HERC5: variants seen among roughly 807,000 people sequenced by gnomAD.
The protein encoded by HERC5 is HECT and RLD domain containing E3 ubiquitin protein ligase 5, also known as E3 ISG15--protein ligase HERC5.
A neutral mutation model predicts 119.6 loss-of-function variants in HERC5; 99 were observed. The observed-to-expected ratio is 0.83, with a 90% CI of 0.70 to 0.98. The LOEUF is 0.98. Among genes scored for constraint, HERC5 ranks in the 50% least tolerant of loss-of-function variants. The pLI, the probability that HERC5 is intolerant of heterozygous loss-of-function variation, is 0.00. For synonymous variants in HERC5, 478 were observed against 445.9 expected, an observed-to-expected ratio of 1.07 and a Z score of -0.91; for missense variants, 1,267 against 1,241.3, an observed-to-expected ratio of 1.02 and a Z score of -0.31.
At position 88,463,630 on chromosome 4, in the gene HERC5, G is replaced by A. The variant is rs1335023249; in HGVS notation, c.780+7G>A. ...CAGTGCCCTACTCACACAGGTGGGTGTACCCTTGTCTCTTTTTGGCTGTAT... is the reference window on the plus strand; with the variant it reads ...CAGTGCCCTACTCACACAGGTGGGTATACCCTTGTCTCTTTTTGGCTGTAT... On this transcript the variant is annotated splice_region_variant and intron_variant, in intron 5 of 22. Transcript: ENST00000264350. The A allele has an allele frequency of 2.5e-6, 4 of 1,606,396 alleles. No individual in the cohort carries two copies. Among genetic ancestry groups the A allele is most frequent in the Admixed American group, 3.4e-5 (2 of 59,052 alleles).
chr4:88,463,324 G>A (rs1359441810), intron 4 of HERC5, among the ~76,000 whole-genome samples: 2 of 152,220 alleles, frequency 1.3e-5, no homozygotes, highest in African/African-American at 4.8e-5. Context: ...TCACAGGTGG[G>A]TGCCCCTAAG....
chr4:88,462,636 C>T (rs1740488070), intron 4 of HERC5, among the ~76,000 whole-genome samples: 2 of 152,228 alleles, frequency 1.3e-5, no homozygotes, highest in African/African-American at 4.8e-5. Context: ...AGTTTACTAA[C>T]TGCAAGCCTT....
In HERC5 at chr4:88,475,825, TC is replaced by T. The variant is rs1385599859; in HGVS notation, c.1393-14del. 4.3e-6 allele frequency: 7 copies of T among 1,612,086 alleles called. No homozygotes were observed. The highest frequency in any genetic ancestry group is 1.3e-5 in the African/African-American group (1 of 74,786). On this transcript the variant is annotated splice_polypyrimidine_tract_variant and intron_variant, in intron 11 of 22. Coordinates refer to ENST00000264350, the MANE Select transcript of HERC5 (RefSeq NM_016323.4). ...TGAGTTTTGAATCCCTTTTCCCTGT[TC>T]CTTTCTGACCACAGATAACCACCTG...
chr4:88,469,161 CAT>C lies in HERC5; in HGVS notation c.1142_1143del (p.Tyr381CysfsTer2). On this transcript the variant is annotated frameshift_variant, in exon 9 of 23. Transcript: ENST00000264350. LOFTEE classifies it high-confidence loss of function. ...TACTTTCCTGTTTGTTTACAGAATT[CAT>C]ATGTTAATCTGAAGAGGACAATTCC... 1 of 1,599,414 alleles carries C rather than the reference CAT, an allele frequency of 6.3e-7. No individual in the cohort carries two copies. The highest frequency in any genetic ancestry group is 8.6e-7 in the Non-Finnish European group (1 of 1,168,232).
At chr4:88,469,506 A>G (rs1045419802) in intron 9 of HERC5, among the ~76,000 whole-genome samples, 6 of 152,194 alleles carry the variant, frequency 3.9e-5, no homozygotes, top group Non-Finnish European at 7.3e-5. Flanking sequence ...GGGGCTGGCA[A>G]GTCCAAAATC....
chr4:88,459,297 G>C, intron 1 of HERC5, 50 bp from the exon 2 acceptor site: 2 of 1,452,210 alleles, frequency 1.4e-6, no homozygotes, highest in Non-Finnish European at 9.1e-7. Flanking sequence ...TAGTAATACA[G>C]TGGGTAATAA....
chr4:88,460,213 C>G, intron 3 of HERC5, 42 bp downstream of exon 3: 1 of 1,007,064 alleles, frequency 9.9e-7, no homozygotes, highest in Non-Finnish European at 1.6e-6. Flanking sequence ...GAAGTAATAC[C>G]TGTGTGTATA....
chr4:88,463,728 A>C, intron 5 of HERC5, 105 bp downstream of exon 5: 1 of 1,369,026 alleles, frequency 7.3e-7, no homozygotes, highest in Non-Finnish European at 1.0e-6. Context: ...TGTATGTAGG[A>C]CTGTCCTTCT....
At chr4:88,473,536 A>G (rs1045612964) in intron 11 of HERC5, 1 of 152,224 alleles carries the variant, frequency 6.6e-6, no homozygotes, top group African/African-American at 2.4e-5. Flanking sequence ...TGGCAGAACC[A>G]CAGCCCCACT....
intron 12 of HERC5, among the ~76,000 whole-genome samples, chr4:88,477,147 T>C (rs1436712575): frequency 7.4e-6 from 1 of 135,648 alleles, no homozygotes; most frequent in Non-Finnish European, 1.5e-5. Context: ...TCATCTCTAC[T>C]AAAAATATAA....
rs539657811 is a variant in HERC5, at chr4:88,486,053, C to T, written c.1738-62C>T. ...TAATTTAATCTGATAATCTAATTAA[C>T]AGCTATTAAGCAAAATTGTCTTTAA... On this transcript the variant is annotated intron_variant, in intron 13 of 22. Transcript: ENST00000264350. 434 of 886,748 alleles carry T rather than the reference C, an allele frequency of 4.9e-4. 1 individual carries two copies. In the African/African-American group the frequency reaches 6.6e-3, roughly 14 times the overall value. The allele number at this position is 886,748 out of a possible 1,614,324, so 54.9% of individuals were successfully genotyped here. A position where few individuals can be genotyped will look rare whatever the true frequency, so the allele number is the denominator to read the frequency against.
chr4:88,484,697 C>T (rs904000371), intron 13 of HERC5, among the ~76,000 whole-genome samples: 7 of 152,150 alleles, frequency 4.6e-5, no homozygotes, highest in African/African-American at 1.4e-4. Flanking sequence ...TAACCCTTTT[C>T]GGTCTCAGAC....
chr4:88,457,775 C>T (rs910447576), intron 1 of HERC5: 4 of 654,336 alleles, frequency 6.1e-6, no homozygotes, highest in Non-Finnish European at 8.6e-6. Flanking sequence ...GCAAAGTGGC[C>T]GGTGCGGGGC....
At chr4:88,481,306 G>A (rs1741270158) in intron 13 of HERC5, among the ~76,000 whole-genome samples, 1 of 152,146 alleles carries the variant, frequency 6.6e-6, no homozygotes, top group Admixed American at 6.5e-5. Context: ...ACCCACCTCA[G>A]TCTCCCAAAG....
At chr4:88,489,937 AAGCAGAGGTTGCAATG>A (rs1216370278) in intron 16 of HERC5, among the ~76,000 whole-genome samples, 22 of 152,124 alleles carry the variant, frequency 1.4e-4, no homozygotes, top group African/African-American at 5.3e-4. Context: ...TGAACCCAGG[AAGCAGAGGTTGCAATG>A]AGCCGAGATC....
chr4:88,457,871 G>T (rs554005896), intron 1 of HERC5: 1 of 1,053,054 alleles, frequency 9.5e-7, no homozygotes, highest in African/African-American at 1.7e-5. Context: ...CCCGCCCGCC[G>T]CATCTCCCAC....
At position 88,457,359 on chromosome 4, in the gene HERC5, C is replaced by T; in HGVS notation, c.90C>T (p.Gly30=). The T allele has an allele frequency of 2.1e-6, 3 of 1,429,314 alleles. No individual in the cohort carries two copies. Among genetic ancestry groups the T allele is most frequent in the East Asian group, 3.0e-5 (1 of 33,050 alleles). 88.5% of individuals were successfully genotyped at this position (1,429,314 alleles called of 1,614,324 possible). A position where few individuals can be genotyped will look rare whatever the true frequency, so the allele number is the denominator to read the frequency against. The change falls in exon 1 of 23, where the codon GGC becomes GGT. Residue 30 remains glycine (G), a synonymous_variant. Coordinates refer to ENST00000264350, the MANE Select transcript of HERC5 (RefSeq NM_016323.4). Reference sequence around the variant, plus strand: ...CGACCCAGCCCGCGAAGTCTCCGGGCGCACAGCTCTGGCTCTTTCCCAGCG... The same window carrying T: ...CGACCCAGCCCGCGAAGTCTCCGGGTGCACAGCTCTGGCTCTTTCCCAGCG... ...AAATQPAKSP[G]AQLWLFPSAA...
In HERC5 at chr4:88,476,919, CA is replaced by C. The variant is rs112140140; in HGVS notation, c.1582+899del. Among the ~76,000 whole-genome samples, 39 of 138,674 alleles carry C rather than the reference CA, an allele frequency of 2.8e-4. 1 individual carries two copies. In the East Asian group the frequency reaches 5.7e-3, roughly 20 times the overall value. 91.0% of individuals were successfully genotyped at this position (138,674 alleles called of 152,430 possible). A position where few individuals can be genotyped will look rare whatever the true frequency, so the allele number is the denominator to read the frequency against. Reference sequence around the variant, plus strand: ...TGGGCGACAGAGTGAGACTCCGTCCCAAAAAAAAAAGAACATGGAATCCTGT... The same window carrying C: ...TGGGCGACAGAGTGAGACTCCGTCCCAAAAAAAAAGAACATGGAATCCTGT... On this transcript the variant is annotated intron_variant, in intron 12 of 22. Transcript: ENST00000264350.
At chr4:88,504,199 A>G (rs1742036776) in intron 20 of HERC5, 33 bp from the exon 21 acceptor site, 1 of 1,406,832 alleles carries the variant, frequency 7.1e-7, no homozygotes, top group Non-Finnish European at 9.9e-7. Flanking sequence ...AGGATATTGC[A>G]GTAAGTGGAA....
Sources: allele counts gnomAD v4.1 joint callset (sites outside exome capture counted in the v4.1 genomes callset), GRCh38; gene constraint gnomAD v4.1.1; transcripts MANE v1.5; gene names NCBI Gene and HGNC (gene_info 2026-07-23, HGNC 2026-07-21).